The following MAST2 variants were observed in gnomAD, a reference collection of about 807,000 sequenced individuals.
The protein encoded by MAST2 is microtubule associated serine/threonine kinase 2.
Under a neutral mutation model 147.4 loss-of-function variants are expected in MAST2, and 70 were observed. That is an observed-to-expected ratio of 0.47 (90% CI 0.39 to 0.58). MAST2 has a LOEUF of 0.58. MAST2 is among the 20% of genes least tolerant of loss of function. MAST2 has a pLI of 0.00. For missense variants in MAST2, 2,080 were observed against 2,302.3 expected (o/e 0.90, Z 1.98); for synonymous variants, 869 against 896.8 (o/e 0.97, Z 0.55).
At chr1:45,947,019 C>G (rs1003715905) in intron 4 of MAST2, among the ~76,000 whole-genome samples, 3 of 152,118 alleles carry the variant, frequency 2.0e-5, no homozygotes, top group Admixed American at 6.5e-5. Flanking sequence ...AAGCACCACA[C>G]TAAGAAAGTC....
intron 5 of MAST2, among the ~76,000 whole-genome samples, chr1:45,984,889 T>C (rs1046564456): frequency 1.3e-5 from 2 of 152,042 alleles, no homozygotes; most frequent in Non-Finnish European, 2.9e-5. Context: ...AATGAGTACA[T>C]AAATATGAGC....
At chr1:46,027,244 C>T (rs1357386592) in intron 16 of MAST2, among the ~76,000 whole-genome samples, 2 of 152,144 alleles carry the variant, frequency 1.3e-5, no homozygotes, top group Admixed American at 6.5e-5. Context: ...ATAAAGGGAT[C>T]TTAGTTCTAG....
At chr1:45,960,389 G>T (rs1660250128) in intron 5 of MAST2, among the ~76,000 whole-genome samples, 1 of 152,076 alleles carries the variant, frequency 6.6e-6, no homozygotes, top group Admixed American at 6.6e-5. Flanking sequence ...TACACATGTA[G>T]TTCCAGCTAC....
rs559242414 is a variant in MAST2, at chr1:45,929,217, G to GT, written c.501-30160dup. Among the ~76,000 whole-genome samples, 81 of 151,286 alleles carry GT rather than the reference G, an allele frequency of 5.4e-4. 1 individual carries two copies. Among genetic ancestry groups the GT allele is most frequent in the African/African-American group, 1.1e-3 (45 of 41,246 alleles). On this transcript the variant is annotated intron_variant, in intron 4 of 28. Transcript: ENST00000361297. ...CAAAAGAATTTTCTCCTCATTATCT[G>GT]TTTTTTTTTACCCTGAAGTACAGAT...
chr1:45,878,894 T>C (rs1646719733), intron 3 of MAST2, among the ~76,000 whole-genome samples: 1 of 150,614 alleles, frequency 6.6e-6, no homozygotes, highest in African/African-American at 2.4e-5. Flanking sequence ...TTTTGAGATA[T>C]CACTTCTTTC....
chr1:45,814,780 T>C (rs935072083), intron 1 of MAST2, among the ~76,000 whole-genome samples: 1 of 152,182 alleles, frequency 6.6e-6, no homozygotes, highest in East Asian at 1.9e-4. Context: ...AGAGCGAAAC[T>C]CTATCTCAAA....
At position 46,035,783 on chromosome 1, in the gene MAST2, C is replaced by G. The variant is rs1328980578; in HGVS notation, c.5114C>G (p.Thr1705Arg). Residue 1705 changes from threonine (T) to arginine (R), a missense_variant, in exon 29 of 29, where the codon ACA becomes AGA. By Grantham distance (71) the Thr-to-Arg change is moderately conservative. Coordinates refer to ENST00000361297, the MANE Select transcript of MAST2 (RefSeq NM_015112.3). The surrounding 1 kb of genome is among the most constrained non-coding windows in gnomAD (Gnocchi z 5.5). ...CTGTCTCCCAGGGAGCAGGGGAAGA[C>G]ACAGCCACCTAGTGCCCCCAGACTG... Reference protein sequence around the residue: ...KNLSPREQGKTQPPSAPRLAH... With the variant: ...KNLSPREQGKRQPPSAPRLAH... 1 of 1,614,148 alleles carries G rather than the reference C, an allele frequency of 6.2e-7. No homozygotes were observed. The highest frequency in any genetic ancestry group is 1.7e-5 in the Admixed American group (1 of 60,026).
intron 4 of MAST2, among the ~76,000 whole-genome samples, chr1:45,915,792 A>G (rs1014233597): frequency 6.6e-6 from 1 of 152,112 alleles, no homozygotes; most frequent in Non-Finnish European, 1.5e-5. Flanking sequence ...CAAAATGTCT[A>G]AACCTCATTT....
intron 2 of MAST2, 124 bp downstream of exon 2, chr1:45,824,704 T>C (rs192551256): frequency 1.0e-6 from 1 of 969,570 alleles, no homozygotes; most frequent in East Asian, 2.7e-5. Flanking sequence ...AGAACATTTA[T>C]GGTAAGGCTG....
chr1:45,998,766 C>T (rs1645155038), intron 6 of MAST2, among the ~76,000 whole-genome samples: 1 of 150,844 alleles, frequency 6.6e-6, no homozygotes, highest in Admixed American at 6.6e-5. Context: ...CTCACTCTGT[C>T]ACCCAGGCTG....
intron 4 of MAST2, among the ~76,000 whole-genome samples, chr1:45,958,129 T>C (rs1231004000): frequency 2.6e-5 from 4 of 151,960 alleles, no homozygotes. Context: ...TAGTTAGGGG[T>C]ATGGGCATGA....
At chr1:45,978,551 A>G (rs1322302511) in intron 5 of MAST2, among the ~76,000 whole-genome samples, 2 of 152,158 alleles carry the variant, frequency 1.3e-5, no homozygotes, top group Non-Finnish European at 2.9e-5. Flanking sequence ...ATAAAATCAC[A>G]AAAAGATATT....
intron 3 of MAST2, among the ~76,000 whole-genome samples, chr1:45,876,380 CTGAAG>C (rs1646606770): frequency 1.3e-5 from 2 of 152,222 alleles, no homozygotes; most frequent in African/African-American, 4.8e-5. Flanking sequence ...ATTTCCTTAT[CTGAAG>C]CTGGAATAGA....
chr1:45,859,059 G>C (rs968760678), intron 3 of MAST2, among the ~76,000 whole-genome samples: 2 of 152,138 alleles, frequency 1.3e-5, no homozygotes, highest in African/African-American at 4.8e-5. Flanking sequence ...CTCCAGCTTT[G>C]TTCTTTTGGC....
In MAST2 at chr1:45,832,523, G is replaced by T. The variant is rs537613234; in HGVS notation, c.468+2942G>T. Among the ~76,000 whole-genome samples, 5 of 152,114 alleles carry T rather than the reference G, an allele frequency of 3.3e-5. No individual in the cohort carries two copies. The East Asian group carries it at 9.7e-4, about 29-fold the overall frequency. ...TTGGCCAGGCTGGTCTTGAACTGCTGCCTCAAGTGATCCACCGGCCTTGGC... is the reference window on the plus strand; with the variant it reads ...TTGGCCAGGCTGGTCTTGAACTGCTTCCTCAAGTGATCCACCGGCCTTGGC... On this transcript the variant is annotated intron_variant, in intron 3 of 28. Transcript: ENST00000361297.
At chr1:45,909,259 A>T (rs1401658920) in intron 4 of MAST2, among the ~76,000 whole-genome samples, 1 of 152,112 alleles carries the variant, frequency 6.6e-6, no homozygotes, top group East Asian at 1.9e-4. Flanking sequence ...TCTTTTTCTC[A>T]CTTTATTATC....
intron 5 of MAST2, among the ~76,000 whole-genome samples, chr1:45,960,826 G>T (rs1041351382): frequency 3.3e-5 from 5 of 152,222 alleles, no homozygotes; most frequent in African/African-American, 1.2e-4. Flanking sequence ...CCTAAGCCTG[G>T]ACCTTGTCTG....
intron 9 of MAST2, among the ~76,000 whole-genome samples, chr1:46,010,234 C>T (rs2149233556): frequency 6.6e-6 from 1 of 152,320 alleles, no homozygotes; most frequent in Non-Finnish European, 1.5e-5. Flanking sequence ...TAAGTTTACA[C>T]AGTTGGGAGG....
chr1:46,029,977 G>A, intron 20 of MAST2, 24 bp downstream of exon 20: 10 of 1,613,574 alleles, frequency 6.2e-6, no homozygotes, highest in Non-Finnish European at 8.5e-6. Context: ...TGGGTGGGGT[G>A]GAGGATGGGT....
Sources: gnomAD v4.1 joint callset for allele counts (sites outside exome capture counted in the v4.1 genomes callset) on GRCh38, gnomAD v4.1.1 for gene constraint, Gnocchi (gnomAD v3.1) non-coding constraint, MANE v1.5 for transcripts, NCBI Gene and HGNC (gene_info 2026-07-23, HGNC 2026-07-21) for gene names.